MIA2: variants seen among roughly 807,000 people sequenced by gnomAD.
MIA2 encodes the protein melanoma inhibitory activity protein 2.
A neutral mutation model predicts 167.8 loss-of-function variants in MIA2; 127 were observed. The observed-to-expected ratio is 0.76, with a 90% CI of 0.66 to 0.88. The LOEUF is 0.88. Ranked by LOEUF, MIA2 falls within the 40% of genes least tolerant of loss-of-function variation. The probability of loss-of-function intolerance (pLI) is 0.00; values close to 1 mark genes in which losing one functional copy is unlikely to be tolerated. For missense variants in MIA2, 1,690 were observed against 1,624.7 expected (o/e 1.04, Z -0.69); for synonymous variants, 552 against 541.9 (o/e 1.02, Z -0.26).
At chr14:39,264,797 GC>G (rs1300426040) in intron 6 of MIA2, among the ~76,000 whole-genome samples, 1 of 152,166 alleles carries the variant, frequency 6.6e-6, no homozygotes, top group Non-Finnish European at 1.5e-5. Flanking sequence ...TTGCAATGGA[GC>G]CCTTCATAAG....
At chr14:39,269,147 T>TGCCA in intron 6 of MIA2, 1 of 770,202 alleles carries the variant, frequency 1.3e-6, no homozygotes, top group Non-Finnish European at 1.6e-6. Context: ...CACAACATTG[T>TGCCA]TCCGCTTTAA....
At chr14:39,319,348 A>ATG in intron 23 of MIA2, 57 bp downstream of exon 23, 1 of 792,884 alleles carries the variant, frequency 1.3e-6, no homozygotes, top group Non-Finnish European at 1.9e-6. Context: ...ATATATATAT[A>ATG]TTGCACATAT....
chr14:39,283,411 A>C (rs2059220063), intron 9 of MIA2, among the ~76,000 whole-genome samples: 1 of 152,226 alleles, frequency 6.6e-6, no homozygotes, highest in African/African-American at 2.4e-5. Context: ...ACTTTAAGTG[A>C]AACAGTGTAT....
intron 3 of MIA2, among the ~76,000 whole-genome samples, chr14:39,246,510 A>G (rs2054318685): frequency 6.6e-6 from 1 of 152,078 alleles, no homozygotes; most frequent in South Asian, 2.1e-4. Flanking sequence ...TTGAGGCCAG[A>G]AGTTCAAGTT....
At chr14:39,246,159 C>T (rs747260840) in intron 3 of MIA2, among the ~76,000 whole-genome samples, 24 of 151,662 alleles carry the variant, frequency 1.6e-4, no homozygotes, top group South Asian at 4.2e-4. Context: ...TGCATTGGTG[C>T]GATCTTGGCT....
chr14:39,302,037 G>T, intron 14 of MIA2, 92 bp from the exon 15 acceptor site: 1 of 1,394,478 alleles, frequency 7.2e-7, no homozygotes. Context: ...TATGTGGACT[G>T]ATTTTTAAAC....
At chr14:39,315,303 C>CAA (rs11345079) in intron 20 of MIA2, 49 of 132,396 alleles carry the variant, frequency 3.7e-4, no homozygotes, top group South Asian at 1.2e-3. Flanking sequence ...GACTCCGTCT[C>CAA]AAAAAAAAAA....
At chr14:39,290,023 G>A (rs1259787287) in intron 9 of MIA2, among the ~76,000 whole-genome samples, 1 of 152,168 alleles carries the variant, frequency 6.6e-6, no homozygotes, top group East Asian at 1.9e-4. Context: ...AATTCTGGAT[G>A]CTTTTTCCGT....
chr14:39,299,879 G>A lies in MIA2; in HGVS notation c.2512G>A (p.Glu838Lys). 6.2e-7 allele frequency: 1 copy of A among 1,604,412 alleles called. No individual in the cohort carries two copies. The highest frequency in any genetic ancestry group is 8.5e-7 in the Non-Finnish European group (1 of 1,177,594). Residue 838 changes from glutamate to lysine, a missense_variant, in exon 14 of 29, where the codon GAA becomes AAA. By Grantham distance (56) the Glu-to-Lys change is moderately conservative. Transcript: ENST00000640607. ...ESQKQLLQEA[E>K]VWKEQVSELN... ...TCATTTTCAGCTTTTGCAAGAAGCT[G>A]AAGTATGGAAAGAACAAGTGAGTGA...
At chr14:39,358,247 C>T (rs763873627) in intron 23 of MIA2, among the ~76,000 whole-genome samples, 10 of 152,244 alleles carry the variant, frequency 6.6e-5, no homozygotes, top group African/African-American at 1.2e-4. Flanking sequence ...AGGCTTTGTT[C>T]GTTTCTTTTT....
Position 39,319,509 on chromosome 14 carries a change from A to G in MIA2, c.3367+218A>G, listed in dbSNP as rs73277499. Among the ~76,000 whole-genome samples the G allele has an allele frequency of 0.019, 2,901 of 151,846 alleles. 100 individuals carry two copies. The highest frequency in any genetic ancestry group is 0.067 in the African/African-American group (2,775 of 41,428). On this transcript the variant is annotated intron_variant, in intron 23 of 28. Transcript: ENST00000640607. Reference sequence around the variant, plus strand: ...AAAATTACTGTTGCTTTTATTTCTCAGTGGGATTTTGTAAGATGATACATA... The same window carrying G: ...AAAATTACTGTTGCTTTTATTTCTCGGTGGGATTTTGTAAGATGATACATA...
rs1244083467 is a variant in MIA2, at chr14:39,299,953, A to G, written c.2586A>G (p.Glu862=). The G allele has an allele frequency of 8.1e-6, 13 of 1,607,494 alleles. No homozygotes were observed. The highest frequency in any genetic ancestry group is 1.0e-5 in the Non-Finnish European group (12 of 1,177,966). ...VTFEDSKVHA[E]QVLNDKESHI... ...TTGAAGACTCCAAAGTACATGCAGA[A>G]CAAGTTCTAAATGATAAAGAAAGTC... Residue 862 remains glutamate (E), a synonymous_variant, in exon 14 of 29, where the codon GAA becomes GAG. Coordinates refer to ENST00000640607, the MANE Select transcript of MIA2 (RefSeq NM_001329214.4).
intron 23 of MIA2, among the ~76,000 whole-genome samples, chr14:39,373,962 C>G (rs1431054596): frequency 2.6e-5 from 4 of 152,176 alleles, no homozygotes; most frequent in South Asian, 4.1e-4. Flanking sequence ...AGGAGTCTCT[C>G]CCAGCCTGGG....
At chr14:39,336,437 T>G (rs965978140) in intron 25 of MIA2, among the ~76,000 whole-genome samples, 2 of 152,230 alleles carry the variant, frequency 1.3e-5, no homozygotes, top group African/African-American at 4.8e-5. Context: ...CTCAATCTTA[T>G]AAACTAATAA....
At chr14:39,361,023 A>G (rs1377530735) in intron 23 of MIA2, among the ~76,000 whole-genome samples, 1 of 152,180 alleles carries the variant, frequency 6.6e-6, no homozygotes, top group Admixed American at 6.5e-5. Flanking sequence ...CTATTTTTAT[A>G]CCAATACTAT....
intron 4 of MIA2, 116 bp from the exon 5 acceptor site, chr14:39,252,632 G>T (rs778147570): frequency 1.5e-6 from 1 of 675,052 alleles, no homozygotes; most frequent in East Asian, 2.6e-5. Context: ...TTTCTTTAAC[G>T]AAGTATCATA....
intron 1 of MIA2, 40 bp from the exon 2 acceptor site, chr14:39,236,882 T>C (rs749847858): frequency 1.3e-6 from 2 of 1,552,226 alleles, no homozygotes; most frequent in Admixed American, 3.8e-5. Flanking sequence ...AATATCATTT[T>C]AATTTAAAGT....
At chr14:39,321,762 A>AT (rs35965549) in intron 24 of MIA2, among the ~76,000 whole-genome samples, 43 of 132,018 alleles carry the variant, frequency 3.3e-4, no homozygotes, top group Middle Eastern at 3.9e-3. Context: ...TATATATGTA[A>AT]TTTTTTTTTT....
intron 23 of MIA2, among the ~76,000 whole-genome samples, chr14:39,362,338 CTT>C (rs200164875): frequency 0.014 from 2,183 of 152,150 alleles, 56 homozygotes; most frequent in African/African-American, 0.05. Context: ...TGTTTGGAGA[CTT>C]TTTATTACTG....
Sources: gnomAD v4.1 joint callset for allele counts (sites outside exome capture counted in the v4.1 genomes callset) on GRCh38, gnomAD v4.1.1 for gene constraint, MANE v1.5 for transcripts, NCBI Gene and HGNC (gene_info 2026-07-23, HGNC 2026-07-21) for gene names.